SAMSN1: variants seen among roughly 807,000 people sequenced by gnomAD.
The protein encoded by SAMSN1 is SAM domain, SH3 domain and nuclear localization signals 1, also known as SAM domain-containing protein SAMSN-1.
In SAMSN1, 31 loss-of-function variants were observed where a neutral mutation model predicts 42.0. The observed-to-expected ratio is 0.74, with a 90% CI of 0.55 to 1.00. The LOEUF is 1.00. Among genes scored for constraint, SAMSN1 ranks in the 50% least tolerant of loss-of-function variants. SAMSN1 has a pLI of 0.00. For missense variants in SAMSN1, 464 were observed against 439.4 expected (o/e 1.06, Z -0.50); for synonymous variants, 178 against 151.9 (o/e 1.17, Z -1.26).
rs192942317 is a variant in SAMSN1, at chr21:14,649,888, C to T, written c.25-6755G>A. Among the ~76,000 whole-genome samples, 133 of 151,600 alleles carry T rather than the reference C, an allele frequency of 8.8e-4. 1 individual carries two copies. Among genetic ancestry groups the T allele is most frequent in the Non-Finnish European group, 1.6e-4 (11 of 67,924 alleles). On this transcript the variant is annotated intron_variant, in intron 1 of 15. Coordinates refer to the SAMSN1 transcript ENST00000647101. ...GAAAACCAAAAAAGAACAGAAGTCA[C>T]TAAACTTATATCAGATAAAATAGAT...
At chr21:14,587,719 AT>A (rs957882603), upstream of SAMSN1, among the ~76,000 whole-genome samples, 4 of 148,322 alleles carry the variant, frequency 2.7e-5, no homozygotes, top group Admixed American at 2.7e-4. Flanking sequence ...ATTTAAAACA[AT>A]TTTTTTGTTG....
At chr21:14,578,661 C>T (rs9976310) in intron 2 of SAMSN1, among the ~76,000 whole-genome samples, 6,699 of 121,086 alleles carry the variant, frequency 0.055, 552 homozygotes, top group African/African-American at 0.19. Flanking sequence ...CCAGCCTGGG[C>T]GACAGGGTGA....
upstream of SAMSN1, among the ~76,000 whole-genome samples, chr21:14,550,036 G>C (rs967553563): frequency 6.6e-6 from 1 of 152,080 alleles, no homozygotes; most frequent in African/African-American, 2.4e-5. Flanking sequence ...TTGGTGCCAA[G>C]CTATATAGAG....
chr21:14,544,687 TCAAGA>T (rs1377190050), intron 1 of SAMSN1, among the ~76,000 whole-genome samples: 1 of 152,154 alleles, frequency 6.6e-6, no homozygotes, highest in Non-Finnish European at 1.5e-5. Context: ...AATAAGGAAG[TCAAGA>T]TTAACAATAT....
At chr21:14,508,440 C>A (rs758497956) in intron 5 of SAMSN1, among the ~76,000 whole-genome samples, 97 of 152,168 alleles carry the variant, frequency 6.4e-4, no homozygotes, top group Non-Finnish European at 5.7e-4. Context: ...AAATGGCCAA[C>A]AAACACATGA....
intron 1 of SAMSN1, among the ~76,000 whole-genome samples, chr21:14,649,515 A>G (rs1983789597): frequency 6.6e-6 from 1 of 152,170 alleles, no homozygotes; most frequent in African/African-American, 2.4e-5. Flanking sequence ...CACATCTGTG[A>G]TCCCAGCACT....
At chr21:14,554,069 C>T (rs1023297582) in intron 2 of SAMSN1, among the ~76,000 whole-genome samples, 2 of 151,986 alleles carry the variant, frequency 1.3e-5, no homozygotes, top group African/African-American at 2.4e-5. Context: ...AGGAAAATTC[C>T]GTTACTTTTT....
rs1987949613 is a variant in SAMSN1 at position 14,516,984 on chromosome 21, C to G, written c.187G>C (p.Gly63Arg). The stretch of plus-strand genomic sequence containing the variant: ...CTCATTTTTTTACCCAAACCGCCTC[C>G]ATTATTTGAAGTTTTACTTTGTTCT... ...SGEQSKTSNN[G>R]GGLGKKMRAI... The change falls in exon 3 of 8, where the codon GGA becomes CGA. Residue 63 changes from glycine to arginine, a missense_variant. Transcript: ENST00000400566. 3 of 1,613,216 alleles carry G rather than the reference C, an allele frequency of 1.9e-6. No individual in the cohort carries two copies. Among genetic ancestry groups the G allele is most frequent in the Non-Finnish European group, 2.5e-6 (3 of 1,179,560 alleles).
In SAMSN1 at chr21:14,657,387, C is replaced by T. The variant is rs80168311; in HGVS notation, c.24+1361G>A. Among the ~76,000 whole-genome samples the T allele has an allele frequency of 7.7e-3, 1,165 of 151,746 alleles. 5 individuals carry two copies. Among genetic ancestry groups the T allele is most frequent in the Non-Finnish European group, 0.012 (824 of 67,784 alleles). ...ATATTGAGTCCATGAGTCAGGACTT[C>T]GAGGCAATCCTTTTTAAGTAAGTGC... On this transcript the variant is annotated intron_variant, in intron 1 of 15. Transcript: ENST00000647101.
At chr21:14,577,187 C>T (rs1446808330) in intron 2 of SAMSN1, among the ~76,000 whole-genome samples, 4 of 123,696 alleles carry the variant, frequency 3.2e-5, no homozygotes, top group Admixed American at 9.2e-5. Flanking sequence ...TCTCGAGTAG[C>T]TGGGATTACA....
intron 7 of SAMSN1, among the ~76,000 whole-genome samples, chr21:14,494,805 T>C (rs1422504581): frequency 6.6e-6 from 1 of 152,218 alleles, no homozygotes; most frequent in African/African-American, 2.4e-5. Flanking sequence ...GAAAAATTCT[T>C]GCTTTAAATC....
chr21:14,637,011 G>T (rs1296279458), intron 2 of SAMSN1, among the ~76,000 whole-genome samples: 1 of 152,114 alleles, frequency 6.6e-6, no homozygotes, highest in Non-Finnish European at 1.5e-5. Flanking sequence ...AAGTGAAGAG[G>T]AGAATTGATA....
chr21:14,623,717 C>A (rs539652520), intron 2 of SAMSN1, among the ~76,000 whole-genome samples: 1 of 152,190 alleles, frequency 6.6e-6, no homozygotes, highest in South Asian at 2.1e-4. Context: ...GACAGATCAA[C>A]AAGATGGAAA....
At chr21:14,538,048 A>G (rs1191816948) in intron 1 of SAMSN1, among the ~76,000 whole-genome samples, 3 of 152,228 alleles carry the variant, frequency 2.0e-5, no homozygotes, top group Non-Finnish European at 4.4e-5. Context: ...GTTTATCAAA[A>G]ATACTTTTTA....
chr21:14,541,303 A>G (rs2123143904), intron 1 of SAMSN1, among the ~76,000 whole-genome samples: 1 of 145,314 alleles, frequency 6.9e-6, no homozygotes, highest in South Asian at 2.3e-4. Context: ...ACAAAGACAG[A>G]TAAAACAAAC....
intron 1 of SAMSN1, among the ~76,000 whole-genome samples, chr21:14,525,005 T>G (rs969725064): frequency 6.6e-6 from 1 of 152,204 alleles, no homozygotes; most frequent in Non-Finnish European, 1.5e-5. Context: ...CTGCCTTTCC[T>G]GTATGAAACC....
intron 2 of SAMSN1, among the ~76,000 whole-genome samples, chr21:14,518,167 A>T (rs1005647452): frequency 1.3e-5 from 2 of 152,224 alleles, no homozygotes; most frequent in African/African-American, 4.8e-5. Flanking sequence ...GTTTCTATTC[A>T]CATGTCATAT....
chr21:14,646,941 A>G (rs1568842726), intron 1 of SAMSN1, among the ~76,000 whole-genome samples: 1 of 152,218 alleles, frequency 6.6e-6, no homozygotes, highest in Non-Finnish European at 1.5e-5. Flanking sequence ...AAAAGCAAGA[A>G]ACTAAACCAT....
chr21:14,591,995 T>A (rs1982100317), intron 7 of SAMSN1: 2 of 152,194 alleles, frequency 1.3e-5, no homozygotes, highest in South Asian at 4.1e-4. Flanking sequence ...AAGACTGCTT[T>A]TTGCTCACTG....
Sources: gnomAD v4.1 joint callset for allele counts (sites outside exome capture counted in the v4.1 genomes callset) on GRCh38, gnomAD v4.1.1 for gene constraint, MANE v1.5 for transcripts, NCBI Gene and HGNC (gene_info 2026-07-23, HGNC 2026-07-21) for gene names.